COL25A1: variants seen among roughly 807,000 people sequenced by gnomAD.
The protein encoded by COL25A1 is collagen type XXV alpha 1 chain, also known as collagen alpha-1(XXV) chain.
A neutral mutation model predicts 128.4 loss-of-function variants in COL25A1; 103 were observed. The ratio of observed to expected loss-of-function variants is 0.80; its 90% CI spans 0.68 to 0.94. The LOEUF (loss-of-function observed/expected upper bound fraction) is 0.94, where lower values mean the gene tolerates loss of function less well. Among genes scored for constraint, COL25A1 ranks in the 40% least tolerant of loss-of-function variants. The probability of loss-of-function intolerance (pLI) is 0.00; values close to 1 mark genes in which losing one functional copy is unlikely to be tolerated. For synonymous variants in COL25A1, 279 were observed against 277.2 expected (o/e 1.01, Z -0.06); for missense variants, 745 against 840.0 (o/e 0.89, Z 1.40).
At chr4:109,102,003 G>A (rs1035916718) in intron 3 of COL25A1, among the ~76,000 whole-genome samples, 1 of 152,110 alleles carries the variant, frequency 6.6e-6, no homozygotes, top group Middle Eastern at 3.2e-3. Flanking sequence ...GTATGTTTCT[G>A]TGATATTTTG....
chr4:109,012,382 G>C (rs13120305), intron 5 of COL25A1, among the ~76,000 whole-genome samples: 1 of 148,100 alleles, frequency 6.8e-6, no homozygotes, highest in African/African-American at 2.6e-5. Context: ...TACGCTTGAG[G>C]AGCCCTTCAG....
At chr4:108,974,631 A>G (rs1752252223) in intron 6 of COL25A1, 72 bp from the exon 7 acceptor site, 2 of 1,256,782 alleles carry the variant, frequency 1.6e-6, no homozygotes, top group South Asian at 2.8e-5. Flanking sequence ...CAGCCAGGTT[A>G]GTTGAAAGAT....
At chr4:109,164,186 C>T (rs1003088116) in intron 3 of COL25A1, among the ~76,000 whole-genome samples, 13 of 152,088 alleles carry the variant, frequency 8.5e-5, no homozygotes, top group Admixed American at 8.5e-4. Context: ...AGAAGTAGGC[C>T]TGGCTTGTGC....
chr4:108,827,302 A>C, intron 32 of COL25A1, 114 bp from the exon 33 acceptor site: 1 of 919,934 alleles, frequency 1.1e-6, no homozygotes, highest in Non-Finnish European at 1.8e-6. Flanking sequence ...GAAAATCTCA[A>C]AGATTTAGCC....
chr4:108,818,387 C>A (rs916647516), intron 36 of COL25A1, among the ~76,000 whole-genome samples: 4 of 151,914 alleles, frequency 2.6e-5, no homozygotes, highest in Admixed American at 1.3e-4. Flanking sequence ...AACATGCAGA[C>A]CAATATAACC....
At chr4:108,925,097 A>T (rs1745895485) in intron 11 of COL25A1, among the ~76,000 whole-genome samples, 2 of 152,166 alleles carry the variant, frequency 1.3e-5, no homozygotes, top group Admixed American at 1.3e-4. Flanking sequence ...TAATTCATTT[A>T]TTCACTCACA....
At position 108,918,209 on chromosome 4, in the gene COL25A1, A is replaced by C. The variant is rs546362934; in HGVS notation, c.743T>G (p.Ile248Ser). The C allele has an allele frequency of 6.3e-7, 1 of 1,598,404 alleles. No homozygotes were observed. The highest frequency in any genetic ancestry group is 8.6e-7 in the Non-Finnish European group (1 of 1,169,518). ...PLGPPGQKGS[I>S]GAPGIPGMNG... The stretch of plus-strand genomic sequence containing the variant: ...CATCCCTGGAATTCCAGGTGCTCCA[A>C]TAGAACCCTAAAGAGACACATGATT... Residue 248 changes from isoleucine (I) to serine (S), a missense_variant, in exon 13 of 38, where the codon ATT (isoleucine) becomes AGT (serine). By Grantham distance (142) the Ile-to-Ser change is moderately radical (BLOSUM62 -2). Around this residue, in one of 3 missense-constraint regions of COL25A1, gnomAD observed 319 missense variants for 324.9 expected, o/e 0.98. Coordinates refer to ENST00000399132, the MANE Select transcript of COL25A1 (RefSeq NM_198721.4).
At chr4:109,153,309 A>C (rs10015438) in intron 3 of COL25A1, among the ~76,000 whole-genome samples, 1 of 148,266 alleles carries the variant, frequency 6.7e-6, no homozygotes, top group African/African-American at 2.5e-5. Flanking sequence ...CAAACCCGGG[A>C]GGCAGAGGTT....
intron 3 of COL25A1, among the ~76,000 whole-genome samples, chr4:109,286,441 C>A (rs1723898579): frequency 6.6e-6 from 1 of 152,054 alleles, no homozygotes. Context: ...GGATGCCTCC[C>A]GGTGAGAAGA....
At chr4:108,947,708 C>T (rs10021232) in intron 8 of COL25A1, among the ~76,000 whole-genome samples, 6,621 of 152,176 alleles carry the variant, frequency 0.044, 372 homozygotes, top group African/African-American at 0.13. Context: ...CTCTACTTTG[C>T]TGTTTATTGC....
At chr4:109,270,037 T>G (rs1194982091) in intron 3 of COL25A1, among the ~76,000 whole-genome samples, 1 of 152,036 alleles carries the variant, frequency 6.6e-6, no homozygotes, top group Non-Finnish European at 1.5e-5. Flanking sequence ...TGCTAAAAAC[T>G]CTCAATAAAT....
At chr4:108,886,484 G>GTTTTTTTTTT (rs1392899230) in intron 18 of COL25A1, among the ~76,000 whole-genome samples, 3 of 82,766 alleles carry the variant, frequency 3.6e-5, no homozygotes, top group African/African-American at 1.2e-4. Flanking sequence ...GTGTGTGTGT[G>GTTTTTTTTTT]TGTGTGTGTT....
In COL25A1 at chr4:108,957,571, C is replaced by T. The variant is rs553914530; in HGVS notation, c.493-16134G>A. Reference sequence around the variant, plus strand: ...GTAGATGTTGATTCAAAAGAAGGAACAATAAATATTTGTTGAATGAATGAT... The same window carrying T: ...GTAGATGTTGATTCAAAAGAAGGAATAATAAATATTTGTTGAATGAATGAT... On this transcript the variant is annotated intron_variant, in intron 8 of 37. Coordinates refer to ENST00000399132, the MANE Select transcript of COL25A1 (RefSeq NM_198721.4). Among the ~76,000 whole-genome samples, 10 of 152,262 alleles carry T rather than the reference C, an allele frequency of 6.6e-5. No homozygotes were observed. In the South Asian group the frequency reaches 2.1e-3, roughly 32 times the overall value.
At chr4:109,184,774 G>C (rs1331918850) in intron 3 of COL25A1, among the ~76,000 whole-genome samples, 1 of 152,178 alleles carries the variant, frequency 6.6e-6, no homozygotes, top group Non-Finnish European at 1.5e-5. Context: ...GCAGTTTCCT[G>C]TCCATTGCTT....
rs560121396 is a variant in COL25A1, at chr4:109,255,975, C to T, written c.367+44608G>A. Reference sequence around the variant, plus strand: ...TTTAGAACAGAGCATACCTAGCTCCCACATCATCTGCTCATCAATGCTAAT... The same window carrying T: ...TTTAGAACAGAGCATACCTAGCTCCTACATCATCTGCTCATCAATGCTAAT... On this transcript the variant is annotated intron_variant, in intron 3 of 37. Coordinates refer to ENST00000399132, the MANE Select transcript of COL25A1 (RefSeq NM_198721.4). 5.1e-4 allele frequency among the ~76,000 whole-genome samples: 78 copies of T among 152,248 alleles called. 1 individual carries two copies. In the South Asian group the frequency reaches 0.01, roughly 20 times the overall value.
At chr4:108,843,332 A>G (rs1734686538) in intron 30 of COL25A1, among the ~76,000 whole-genome samples, 1 of 152,058 alleles carries the variant, frequency 6.6e-6, no homozygotes, top group South Asian at 2.1e-4. Flanking sequence ...TTCTTGTGCA[A>G]TGGGAGGAAA....
chr4:108,904,709 A>C (rs1185845209), intron 13 of COL25A1, among the ~76,000 whole-genome samples: 1 of 152,116 alleles, frequency 6.6e-6, no homozygotes, highest in Non-Finnish European at 1.5e-5. Context: ...TTCATACTTA[A>C]AACACTGAGG....
chr4:109,229,596 T>C (rs1779033614), intron 3 of COL25A1, among the ~76,000 whole-genome samples: 1 of 152,204 alleles, frequency 6.6e-6, no homozygotes, highest in Non-Finnish European at 1.5e-5. Context: ...GTTTGAACCA[T>C]TTCCAACAGC....
chr4:108,809,032 G>C lies in COL25A1; in HGVS notation c.*4895C>G, dbSNP rs1331038685. 6.6e-6 allele frequency: 1 copy of C among 152,066 alleles called. No homozygotes were observed. Among genetic ancestry groups the C allele is most frequent in the Admixed American group, 6.5e-5 (1 of 15,270 alleles). The allele number at this position is 152,066 out of a possible 1,614,324, so 9.4% of individuals were successfully genotyped here. A position where few individuals can be genotyped will look rare whatever the true frequency, so the allele number is the denominator to read the frequency against. Reference sequence around the variant, plus strand: ...GAAATTAAAATAAAAATTGAACAGGGAGAATTCAATCTTTCAATTATTTAC... The same window carrying C: ...GAAATTAAAATAAAAATTGAACAGGCAGAATTCAATCTTTCAATTATTTAC... On this transcript the variant is annotated 3_prime_UTR_variant, in exon 38 of 38. Transcript: ENST00000399132.
Sources: gnomAD v4.1 joint callset for allele counts (sites outside exome capture counted in the v4.1 genomes callset) on GRCh38, gnomAD v4.1.1 for gene constraint, gnomAD v4.1.1 regional missense constraint, MANE v1.5 for transcripts, NCBI Gene and HGNC (gene_info 2026-07-23, HGNC 2026-07-21) for gene names.